PHF21A: variants seen among roughly 807,000 people sequenced by gnomAD.
PHF21A encodes PHD finger protein 21A.
In PHF21A, 11 loss-of-function variants were observed where a neutral mutation model predicts 82.5. The ratio of observed to expected loss-of-function variants is 0.13; its 90% CI spans 0.08 to 0.22. The LOEUF is 0.22. Ranked by LOEUF, PHF21A falls within the 10% of genes least tolerant of loss-of-function variation. PHF21A has a pLI of 1.00. For synonymous variants in PHF21A, 297 were observed against 302.8 expected, an observed-to-expected ratio of 0.98 and a Z score of 0.20; for missense variants, 579 against 837.8, an observed-to-expected ratio of 0.69 and a Z score of 3.81.
chr11:45,978,969 A>C (rs2094164418), intron 7 of PHF21A, among the ~76,000 whole-genome samples: 1 of 151,846 alleles, frequency 6.6e-6, no homozygotes, highest in Non-Finnish European at 1.5e-5. Flanking sequence ...TTTCTTATAA[A>C]TATGGGCTTA....
In PHF21A at chr11:45,965,363, G is replaced by A. The variant is rs763075716; in HGVS notation, c.948C>T (p.Leu316=). The A allele has an allele frequency of 6.2e-7, 1 of 1,614,010 alleles. No homozygotes were observed. The highest frequency in any genetic ancestry group is 1.6e-4 in the Middle Eastern group (1 of 6,062). Reference sequence around the variant, plus strand: ...TAAGCTGTACAGTTTGAGGTCCAGCGAGTCTGGTCCCTGGAGTAGCTATCA... The same window carrying A: ...TAAGCTGTACAGTTTGAGGTCCAGCAAGTCTGGTCCCTGGAGTAGCTATCA... ...SIVIATPGTR[L]AGPQTVQLSK... The change falls in exon 10 of 19, where the codon CTC becomes CTT. Residue 316 remains leucine, a synonymous_variant. Transcript: ENST00000676320.
At chr11:45,935,356 T>C (rs1167337716) in intron 18 of PHF21A, 1 of 875,034 alleles carries the variant, frequency 1.1e-6, no homozygotes, top group Non-Finnish European at 1.7e-6. Flanking sequence ...GCTACACTGT[T>C]GTAGCTGTTA....
chr11:46,062,541 T>A (rs1459777065), intron 6 of PHF21A, among the ~76,000 whole-genome samples: 1 of 152,222 alleles, frequency 6.6e-6, no homozygotes, highest in East Asian at 1.9e-4. Flanking sequence ...TATCTTCTTT[T>A]ACGGATCTAG....
At position 46,050,042 on chromosome 11, in the gene PHF21A, C is replaced by CA. The variant is rs1267040626; in HGVS notation, c.153+26711dup. Among the ~76,000 whole-genome samples the CA allele has an allele frequency of 2.0e-5, 3 of 152,182 alleles. No homozygotes were observed. The East Asian group carries it at 5.8e-4, about 29-fold the overall frequency. ...TTTGCTGTAGGGCTCTGCTCTTATG[C>CA]AATTAAAAGAAAATTAGCAAGTCTT... On this transcript the variant is annotated intron_variant, in intron 6 of 18. Transcript: ENST00000676320.
At chr11:45,963,077 A>G (rs527773782) in intron 10 of PHF21A, among the ~76,000 whole-genome samples, 68 of 152,246 alleles carry the variant, frequency 4.5e-4, no homozygotes, top group Non-Finnish European at 8.1e-4. Flanking sequence ...TACAAAATAC[A>G]TAAGTTTGAT....
intron 6 of PHF21A, among the ~76,000 whole-genome samples, chr11:46,051,812 G>A: frequency 6.6e-6 from 1 of 152,178 alleles, no homozygotes; most frequent in East Asian, 1.9e-4. Flanking sequence ...AAGGTGATGG[G>A]GGTGGGGAAA....
intron 1 of PHF21A, among the ~76,000 whole-genome samples, chr11:46,115,183 G>A (rs1180533118): frequency 2.0e-5 from 3 of 152,080 alleles, no homozygotes; most frequent in Non-Finnish European, 4.4e-5. Context: ...AAGTGGAGGA[G>A]TATTCAAATT....
At chr11:45,996,319 A>G (rs1296290144) in intron 6 of PHF21A, among the ~76,000 whole-genome samples, 2 of 152,234 alleles carry the variant, frequency 1.3e-5, no homozygotes, top group African/African-American at 4.8e-5. Context: ...TTGACACATT[A>G]TAGAGTGATC....
chr11:45,965,855 C>T (rs923681567), intron 9 of PHF21A, among the ~76,000 whole-genome samples: 1 of 152,144 alleles, frequency 6.6e-6, no homozygotes, highest in Non-Finnish European at 1.5e-5. Context: ...TATACCATGC[C>T]ACCTCTTCTA....
intron 6 of PHF21A, among the ~76,000 whole-genome samples, chr11:46,037,280 C>CA (rs1219463434): frequency 6.6e-6 from 1 of 152,164 alleles, no homozygotes; most frequent in East Asian, 1.9e-4. Context: ...ATTCTAGTGT[C>CA]ACAATCCTGT....
chr11:45,963,421 A>C (rs1240173137), intron 10 of PHF21A, among the ~76,000 whole-genome samples: 10 of 59,888 alleles, frequency 1.7e-4, no homozygotes, highest in Admixed American at 1.1e-3. Context: ...ACTCTGTGTC[A>C]AAAAAAAAAA....
At chr11:46,053,134 T>G (rs2096395662) in intron 6 of PHF21A, among the ~76,000 whole-genome samples, 1 of 152,204 alleles carries the variant, frequency 6.6e-6, no homozygotes, top group Non-Finnish European at 1.5e-5. Flanking sequence ...TGTAATTAAA[T>G]GTAATGTGTA....
chr11:46,044,474 A>AT (rs777646564), intron 6 of PHF21A, among the ~76,000 whole-genome samples: 2 of 150,378 alleles, frequency 1.3e-5, no homozygotes, highest in Non-Finnish European at 3.0e-5. Context: ...TTTGGATTTC[A>AT]TATCTTATTT....
At chr11:46,117,883 C>CA (rs1851808154) in intron 1 of PHF21A, 1 of 152,178 alleles carries the variant, frequency 6.6e-6, no homozygotes, top group Admixed American at 6.5e-5. Context: ...TTTCAAGTAG[C>CA]AAACATTATT....
chr11:46,079,778 C>G (rs977244207), intron 4 of PHF21A, among the ~76,000 whole-genome samples: 2 of 150,462 alleles, frequency 1.3e-5, no homozygotes, highest in Admixed American at 1.3e-4. Flanking sequence ...AGAGTGCTAC[C>G]CAATACTGAA....
intron 4 of PHF21A, among the ~76,000 whole-genome samples, chr11:46,082,009 T>C (rs900277243): frequency 1.3e-5 from 2 of 152,074 alleles, no homozygotes; most frequent in African/African-American, 4.8e-5. Context: ...TAAATGTGAC[T>C]TCCATCAAAT....
At position 46,071,579 on chromosome 11, in the gene PHF21A, C is replaced by G. The variant is rs2096656905; in HGVS notation, c.153+5175G>C. ...AGTACTGGCAGTGTTGAAAGCCACT[C>G]AATAAAACACTAGTTTCTGATGCAG... On this transcript the variant is annotated intron_variant, in intron 6 of 18. Transcript: ENST00000676320. Among the ~76,000 whole-genome samples the G allele has an allele frequency of 2.0e-5, 3 of 152,232 alleles. No individual in the cohort carries two copies. In the South Asian group the frequency reaches 6.2e-4, roughly 32 times the overall value.
intron 6 of PHF21A, among the ~76,000 whole-genome samples, chr11:46,030,059 CAACT>C (rs1447096776): frequency 3.3e-5 from 5 of 152,158 alleles, no homozygotes; most frequent in African/African-American, 1.2e-4. Context: ...CTGATATATA[CAACT>C]AATACAGTAG....
At chr11:46,061,792 G>T (rs776157376) in intron 6 of PHF21A, among the ~76,000 whole-genome samples, 1 of 151,916 alleles carries the variant, frequency 6.6e-6, no homozygotes, top group Non-Finnish European at 1.5e-5. Context: ...CCCTGTTTTC[G>T]GAACCAATGC....
Sources: gnomAD v4.1 joint callset for allele counts (sites outside exome capture counted in the v4.1 genomes callset) on GRCh38, gnomAD v4.1.1 for gene constraint, MANE v1.5 for transcripts, NCBI Gene and HGNC (gene_info 2026-07-23, HGNC 2026-07-21) for gene names.